The following DSC2 variants were observed in gnomAD, a reference collection of about 807,000 sequenced individuals.
DSC2 encodes desmocollin 2.
DSC2 carries 51 observed loss-of-function variants against 87.6 expected under a neutral mutation model. That is an observed-to-expected ratio of 0.58 (90% confidence interval 0.46 to 0.74). DSC2 has a LOEUF of 0.74. Ranked by LOEUF, DSC2 falls within the 30% of genes least tolerant of loss-of-function variation. The probability of loss-of-function intolerance (pLI) is 0.00; values close to 1 mark genes in which losing one functional copy is unlikely to be tolerated. For missense variants in DSC2, 1,066 were observed against 1,089.5 expected (o/e 0.98, Z 0.30); for synonymous variants, 383 against 393.2 (o/e 0.97, Z 0.31).
At chr18:31,068,427 A>G in intron 15 of DSC2, 1 of 1,403,636 alleles carries the variant, frequency 7.1e-7, no homozygotes, top group Non-Finnish European at 1.0e-6. Context: ...AAAGTCACGC[A>G]TGTGGCAGCA....
chr18:31,084,754 A>G (rs1161894427), intron 7 of DSC2, among the ~76,000 whole-genome samples: 1 of 152,066 alleles, frequency 6.6e-6, no homozygotes, highest in African/African-American at 2.4e-5. Context: ...TGTAAAACAT[A>G]AAGTTAATCT....
In DSC2 at chr18:31,065,285, G is replaced by C. The variant is rs1986587249; in HGVS notation, c.*2730C>G. 2 of 152,244 alleles carry C rather than the reference G, an allele frequency of 1.3e-5. No homozygotes were observed. The highest frequency in any genetic ancestry group is 4.8e-5 in the African/African-American group (2 of 41,454). 9.4% of individuals were successfully genotyped at this position (152,244 alleles called of 1,614,324 possible). A position where few individuals can be genotyped will look rare whatever the true frequency, so the allele number is the denominator to read the frequency against. On this transcript the variant is annotated 3_prime_UTR_variant, in exon 16 of 16. Transcript: ENST00000280904. ...ATCATGGCAAGATGTCAGCAGTAAA[G>C]CAGAGTGGAGACTGAAGCTAAATTG...
At chr18:31,095,141 C>T (rs1475715434) in intron 1 of DSC2, among the ~76,000 whole-genome samples, 1 of 152,082 alleles carries the variant, frequency 6.6e-6, no homozygotes, top group Non-Finnish European at 1.5e-5. Flanking sequence ...ACGAGAATAC[C>T]TGAGCGTAAA....
chr18:31,096,449 G>A (rs1987763302), intron 1 of DSC2, among the ~76,000 whole-genome samples: 1 of 152,116 alleles, frequency 6.6e-6, no homozygotes, highest in Admixed American at 6.6e-5. Flanking sequence ...AGATCTAAGA[G>A]GATCCGCTCC....
At chr18:31,089,415 C>G in intron 5 of DSC2, 24 bp downstream of exon 5, 1 of 1,613,040 alleles carries the variant, frequency 6.2e-7, no homozygotes, top group Non-Finnish European at 8.5e-7. Context: ...ATTGCTAATA[C>G]AGTACACACA....
At position 31,068,069 on chromosome 18, in the gene DSC2, C is replaced by A. The variant is rs772383322; in HGVS notation, c.2652G>T (p.Leu884Phe). Residue 884 changes from leucine (L) to phenylalanine (F), a missense_variant, in exon 16 of 16, where the codon TTG (leucine) becomes TTT (phenylalanine). Transcript: ENST00000280904. The stretch of plus-strand genomic sequence containing the variant: ...TCCTAAATTTGGGCTCCAAATTATC[C>A]AAAAATTCAAGCCCATCTTCTTCTT... ...ERQEEDGLEF[L>F]DNLEPKFRTL... 6.2e-7 allele frequency: 1 copy of A among 1,613,758 alleles called. No individual in the cohort carries two copies. The highest frequency in any genetic ancestry group is 8.5e-7 in the Non-Finnish European group (1 of 1,179,966).
chr18:31,072,574 C>T (rs1986869672), intron 12 of DSC2, among the ~76,000 whole-genome samples: 1 of 152,042 alleles, frequency 6.6e-6, no homozygotes. Context: ...TCTCTCAAAC[C>T]TTATTACGAC....
intron 1 of DSC2, among the ~76,000 whole-genome samples, chr18:31,098,066 TATCA>T (rs914734743): frequency 6.6e-6 from 1 of 152,180 alleles, no homozygotes; most frequent in African/African-American, 2.4e-5. Flanking sequence ...TTTTCCAGTT[TATCA>T]ATCACCTTTT....
chr18:31,070,713 C>G lies in DSC2; in HGVS notation c.2250+13G>C. 2 of 1,613,316 alleles carry G rather than the reference C, an allele frequency of 1.2e-6. No homozygotes were observed. Among genetic ancestry groups the G allele is most frequent in the Admixed American group, 1.7e-5 (1 of 60,002 alleles). ...TCATCCTTTGTATTTATTTAAAAAGCCAGACTACTTACCACTTTGTCATCT... is the reference window on the plus strand; with the variant it reads ...TCATCCTTTGTATTTATTTAAAAAGGCAGACTACTTACCACTTTGTCATCT... On this transcript the variant is annotated intron_variant, in intron 14 of 15. Coordinates refer to ENST00000280904, the MANE Select transcript of DSC2 (RefSeq NM_024422.6).
intron 12 of DSC2, among the ~76,000 whole-genome samples, chr18:31,073,241 T>C (rs1446504894): frequency 2.0e-5 from 3 of 151,934 alleles, no homozygotes; most frequent in Non-Finnish European, 4.4e-5. Context: ...AAAAAAAATG[T>C]CCACTTTCTA....
intron 1 of DSC2, among the ~76,000 whole-genome samples, chr18:31,098,669 G>C (rs1419494000): frequency 9.2e-5 from 14 of 151,582 alleles, no homozygotes; most frequent in Non-Finnish European, 1.9e-4. Context: ...TCCCCAGTCT[G>C]GTCTTGAACT....
chr18:31,097,749 A>C (rs1437546536), intron 1 of DSC2, among the ~76,000 whole-genome samples: 3 of 151,892 alleles, frequency 2.0e-5, no homozygotes, highest in Non-Finnish European at 4.4e-5. Flanking sequence ...TTTGCATTAG[A>C]TATGACTGCG....
chr18:31,101,467 CACAGGGAGCCGCACGTTCCCGGGG>C (rs1987947412), intron 1 of DSC2: 2 of 174,452 alleles, frequency 1.1e-5, no homozygotes, highest in African/African-American at 5.9e-5. Context: ...GTTCCCGAGG[CACAGGGAGCCGCACGTTCCCGGGG>C]AAGGTGCCAG....
chr18:31,093,653 GA>G lies in DSC2; in HGVS notation c.70-11del, dbSNP rs572309510. ...TGGCAAATATTAAGATCTAAAAAAT[GA>G]AAAAAAATCAAATAAATATTATGCA... On this transcript the variant is annotated splice_polypyrimidine_tract_variant and intron_variant, in intron 1 of 15. Coordinates refer to ENST00000280904, the MANE Select transcript of DSC2 (RefSeq NM_024422.6). 2.0e-4 allele frequency: 308 copies of G among 1,536,834 alleles called. No homozygotes were observed. The highest frequency in any genetic ancestry group is 1.8e-3 in the African/African-American group (130 of 72,022).
Position 31,070,746 on chromosome 18 carries a change from C to T in DSC2, c.2230G>A (p.Ala744Thr), listed in dbSNP as rs1986795888. 1 of 1,613,886 alleles carries T rather than the reference C, an allele frequency of 6.2e-7. No homozygotes were observed. Among genetic ancestry groups the T allele is most frequent in the Non-Finnish European group, 8.5e-7 (1 of 1,179,840 alleles). The change falls in exon 14 of 16, where the codon GCT becomes ACT. Residue 744 changes from alanine (A) to threonine (T), a missense_variant. Transcript: ENST00000280904. ...CTTACCACTTTGTCATCTCCAGGAG[C>T]TTCTGTGTTTGATACAATTAGGTTC... Reference protein sequence around the residue: ...QQNLIVSNTEAPGDDKVYSAN... With the variant: ...QQNLIVSNTETPGDDKVYSAN...
Position 31,093,566 on chromosome 18 carries a change from A to C in DSC2, c.147T>G (p.Val49=). 6.2e-7 allele frequency: 1 copy of C among 1,605,620 alleles called. No individual in the cohort carries two copies. Among genetic ancestry groups the C allele is most frequent in the East Asian group, 2.2e-5 (1 of 44,510 alleles). ...ATTTTAGGGCTTCCTTACCTCTACC[A>C]ACAAGTTTCTCGGCATCTAGTTTGG... ...VPSKLDAEKL[V]GRVNLKECFT... is the part of the protein sequence containing the mutation. Residue 49 remains valine, a synonymous_variant, in exon 2 of 16, where the codon GTT becomes GTG. Transcript: ENST00000280904.
In DSC2 at chr18:31,101,995, G is replaced by C. The variant is rs547549872; in HGVS notation, c.-24C>G. 8.1e-6 allele frequency: 12 copies of C among 1,487,798 alleles called. No homozygotes were observed. The South Asian group carries it at 1.0e-4, about 13-fold the overall frequency. The allele number at this position is 1,487,798 out of a possible 1,614,324, so 92.2% of individuals were successfully genotyped here. A position where few individuals can be genotyped will look rare whatever the true frequency, so the allele number is the denominator to read the frequency against. ...ATGGAGAGGGCTCGGGGCAGGTCGC[G>C]GGCCGAGCGTCGGGCCGGGGTAGGA... On this transcript the variant is annotated 5_prime_UTR_variant, in exon 1 of 16. Transcript: ENST00000280904.
In DSC2 at chr18:31,068,126, C is replaced by T. The variant is rs765879750; in HGVS notation, c.2595G>A (p.Val865=). ...CACTGCAACAACCTACAGACCCAGC[C>T]ACCGATCCTCTTCCTTCATAGTTAT... ...LTYNYEGRGS[V]AGSVGCCSER... The change falls in exon 16 of 16, where the codon GTG becomes GTA. Residue 865 remains valine, a synonymous_variant. Coordinates refer to ENST00000280904, the MANE Select transcript of DSC2 (RefSeq NM_024422.6). The T allele has an allele frequency of 4.3e-6, 7 of 1,614,068 alleles. No individual in the cohort carries two copies. The Admixed American group carries it at 1.2e-4, about 27-fold the overall frequency.
chr18:31,098,844 T>A (rs1266000546), intron 1 of DSC2, among the ~76,000 whole-genome samples: 1 of 152,192 alleles, frequency 6.6e-6, no homozygotes, highest in East Asian at 1.9e-4. Context: ...ACATTCAAAT[T>A]TATTCATTGT....
Sources: gnomAD v4.1 joint callset for allele counts (sites outside exome capture counted in the v4.1 genomes callset) on GRCh38, gnomAD v4.1.1 for gene constraint, MANE v1.5 for transcripts, NCBI Gene and HGNC (gene_info 2026-07-23, HGNC 2026-07-21) for gene names.